Variants in DPP10 observed in about 807,000 individuals in gnomAD.
DPP10 encodes dipeptidyl peptidase like 10.
Under a neutral mutation model 120.9 loss-of-function variants are expected in DPP10, and 33 were observed. The observed-to-expected ratio is 0.27, with a 90% CI of 0.21 to 0.37. The LOEUF (loss-of-function observed/expected upper bound fraction) is 0.37. Among genes scored for constraint, DPP10 ranks in the 10% least tolerant of loss-of-function variants. DPP10 has a pLI of 1.00. For synonymous variants in DPP10, 337 were observed against 326.1 expected (o/e 1.03, Z -0.36); for missense variants, 816 against 942.8 (o/e 0.87, Z 1.76).
At chr2:114,453,584 C>T (rs1354966816) in intron 1 of DPP10, among the ~76,000 whole-genome samples, 1 of 152,074 alleles carries the variant, frequency 6.6e-6, no homozygotes, top group Non-Finnish European at 1.5e-5. Context: ...GTTCTCAAAC[C>T]TTCATTGTAA....
chr2:114,610,435 G>T (rs956493692), intron 1 of DPP10, among the ~76,000 whole-genome samples: 7 of 152,116 alleles, frequency 4.6e-5, no homozygotes, highest in African/African-American at 1.7e-4. Context: ...AGAATGGACA[G>T]AAAATAGTGA....
intron 19 of DPP10, among the ~76,000 whole-genome samples, chr2:115,803,594 G>A (rs62156336): frequency 0.08 from 12,205 of 152,072 alleles, 639 homozygotes; most frequent in Non-Finnish European, 0.12. Flanking sequence ...CATGTTTAGT[G>A]CTTCCTTCAG....
At position 114,629,717 on chromosome 2, in the gene DPP10, T is replaced by G. The variant is rs542427763; in HGVS notation, c.60+186879T>G. 5.9e-5 allele frequency among the ~76,000 whole-genome samples: 9 copies of G among 152,328 alleles called. No homozygotes were observed. The South Asian group carries it at 1.7e-3, about 28-fold the overall frequency. ...CACTCTAAAGAAAGATTAGACGATA[T>G]GGACCTAAATTCATTAAAATGTGTA... On this transcript the variant is annotated intron_variant, in intron 1 of 25. Transcript: ENST00000410059.
intron 1 of DPP10, among the ~76,000 whole-genome samples, chr2:114,537,755 A>G (rs984265781): frequency 1.3e-5 from 2 of 152,202 alleles, no homozygotes; most frequent in Admixed American, 6.5e-5. Flanking sequence ...GATGGGGACA[A>G]TGTAGAGTTA....
chr2:115,499,858 A>G (rs1245309174), intron 4 of DPP10, among the ~76,000 whole-genome samples: 1 of 152,040 alleles, frequency 6.6e-6, no homozygotes, highest in Non-Finnish European at 1.5e-5. Flanking sequence ...CTTAGAAAGA[A>G]TAATTTTCCC....
intron 1 of DPP10, among the ~76,000 whole-genome samples, chr2:114,598,385 A>C (rs574234537): frequency 6.6e-6 from 1 of 151,922 alleles, no homozygotes; most frequent in South Asian, 2.1e-4. Context: ...GGAGAGAGGG[A>C]GAAGATAGAG....
chr2:115,204,469 G>GA (rs887933059), intron 1 of DPP10, among the ~76,000 whole-genome samples: 13 of 150,584 alleles, frequency 8.6e-5, no homozygotes, highest in South Asian at 4.2e-4. Context: ...GATAGTAACA[G>GA]AAAAAAAAAT....
chr2:115,780,631 A>G (rs1682638788), intron 15 of DPP10, among the ~76,000 whole-genome samples: 1 of 151,836 alleles, frequency 6.6e-6, no homozygotes, highest in Admixed American at 6.6e-5. Flanking sequence ...ATACAAGTGT[A>G]CATATTACAT....
At chr2:114,984,347 C>T (rs975207256) in intron 1 of DPP10, among the ~76,000 whole-genome samples, 1 of 152,060 alleles carries the variant, frequency 6.6e-6, no homozygotes, top group South Asian at 2.1e-4. Context: ...TTCGCGACTG[C>T]CGCCTTGGGT....
In DPP10 at chr2:115,099,607, A is replaced by G. The variant is rs570949808; in HGVS notation, c.61-209632A>G. On this transcript the variant is annotated intron_variant, in intron 1 of 25. Coordinates refer to ENST00000410059, the MANE Select transcript of DPP10 (RefSeq NM_020868.6). ...GCATAGATTCCTAGGAGTTCAAGGC[A>G]GTGAGCTATGAGTCACTGGAAGTAA... Among the ~76,000 whole-genome samples the G allele has an allele frequency of 2.6e-4, 39 of 152,326 alleles. No homozygotes were observed. In the South Asian group the frequency reaches 4.1e-3, roughly 16 times the overall value.
rs563466298 is a variant in DPP10, at chr2:115,785,348, A to G, written c.1531+2949A>G. Among the ~76,000 whole-genome samples, 4 of 152,308 alleles carry G rather than the reference A, an allele frequency of 2.6e-5. No homozygotes were observed. The South Asian group carries it at 6.2e-4, about 24-fold the overall frequency. On this transcript the variant is annotated intron_variant, in intron 17 of 25. Transcript: ENST00000410059. ...TTGGTATCAGAATCATGCTGACCTCATAGAATGAGTTGGGTAGGAATCCCT... is the reference window on the plus strand; with the variant it reads ...TTGGTATCAGAATCATGCTGACCTCGTAGAATGAGTTGGGTAGGAATCCCT...
At position 115,303,183 on chromosome 2, in the gene DPP10, A is replaced by C. The variant is rs115030204; in HGVS notation, c.61-6056A>C. Among the ~76,000 whole-genome samples the C allele has an allele frequency of 9.7e-3, 1,472 of 152,058 alleles. 27 individuals carry two copies. The highest frequency in any genetic ancestry group is 0.033 in the African/African-American group (1,362 of 41,530). ...TTGTGGTATTTTTTTCAGACATACT[A>C]TTCAGATGACACGAACTTAATAAAA... On this transcript the variant is annotated intron_variant, in intron 1 of 25. Coordinates refer to ENST00000410059, the MANE Select transcript of DPP10 (RefSeq NM_020868.6).
At position 114,706,637 on chromosome 2, in the gene DPP10, C is replaced by CT. The variant is rs1574009207; in HGVS notation, c.60+263801dup. Among the ~76,000 whole-genome samples the CT allele has an allele frequency of 2.0e-5, 3 of 152,290 alleles. No individual in the cohort carries two copies. The East Asian group carries it at 5.8e-4, about 29-fold the overall frequency. ...CATTCTAAATCTAGAACCACATCAC[C>CT]TTGTGATCGTTAACCTAATTATATC... On this transcript the variant is annotated intron_variant, in intron 1 of 25. Coordinates refer to ENST00000410059, the MANE Select transcript of DPP10 (RefSeq NM_020868.6).
In DPP10 at chr2:115,797,943, A is replaced by ATG. The variant is rs879656574; in HGVS notation, c.1700+6599_1700+6600dup. 3.6e-3 allele frequency among the ~76,000 whole-genome samples: 478 copies of ATG among 132,286 alleles called. 3 individuals are homozygous for ATG. Among genetic ancestry groups the ATG allele is most frequent in the Middle Eastern group, 4.5e-3 (1 of 224 alleles). 86.8% of individuals were successfully genotyped at this position (132,286 alleles called of 152,430 possible). ...CTGGAATATATATATATGTGTATAT[A>ATG]TGTGTGTGTGTGTATATATATATAT... On this transcript the variant is annotated intron_variant, in intron 19 of 25. Coordinates refer to ENST00000410059, the MANE Select transcript of DPP10 (RefSeq NM_020868.6).
intron 1 of DPP10, among the ~76,000 whole-genome samples, chr2:114,920,903 C>G (rs1197500383): frequency 6.6e-6 from 1 of 152,162 alleles, no homozygotes; most frequent in Non-Finnish European, 1.5e-5. Flanking sequence ...CATGGTGACA[C>G]AGAAAATCTT....
intron 1 of DPP10, among the ~76,000 whole-genome samples, chr2:114,657,009 G>T (rs1010975902): frequency 6.6e-6 from 1 of 152,086 alleles, no homozygotes; most frequent in African/African-American, 2.4e-5. Flanking sequence ...ACAGGACTTT[G>T]CATATGGGAA....
chr2:115,169,684 T>C (rs1017831621), intron 1 of DPP10, among the ~76,000 whole-genome samples: 1 of 152,132 alleles, frequency 6.6e-6, no homozygotes, highest in Admixed American at 6.5e-5. Context: ...CGGGAACAGG[T>C]GATATTATTT....
intron 3 of DPP10, among the ~76,000 whole-genome samples, chr2:115,383,722 A>G (rs1190766086): frequency 6.6e-6 from 1 of 152,142 alleles, no homozygotes; most frequent in African/African-American, 2.4e-5. Flanking sequence ...TTTCTTATGC[A>G]TTTAAATATA....
At chr2:115,428,096 A>C (rs1039540235) in intron 3 of DPP10, among the ~76,000 whole-genome samples, 2 of 152,188 alleles carry the variant, frequency 1.3e-5, no homozygotes, top group Non-Finnish European at 2.9e-5. Context: ...CCAGTTTCCA[A>C]CAAGTTCCTC....
Sources: allele counts gnomAD v4.1 joint callset (sites outside exome capture counted in the v4.1 genomes callset), GRCh38; gene constraint gnomAD v4.1.1; transcripts MANE v1.5; gene names NCBI Gene and HGNC (gene_info 2026-07-23, HGNC 2026-07-21).